The following PTBP2 variants were observed in gnomAD, a reference collection of about 807,000 sequenced individuals.
The protein encoded by PTBP2 is polypyrimidine tract binding protein 2.
A neutral mutation model predicts 61.4 loss-of-function variants in PTBP2; 13 were observed. That is an observed-to-expected ratio of 0.21 (90% CI 0.14 to 0.34). The LOEUF (loss-of-function observed/expected upper bound fraction) is 0.34, where lower values mean the gene tolerates loss of function less well. PTBP2 is among the 10% of genes least tolerant of loss of function. The pLI, the probability that PTBP2 is intolerant of heterozygous loss-of-function variation, is 1.00. For synonymous variants in PTBP2, 215 were observed against 218.5 expected (o/e 0.98, Z 0.14); for missense variants, 405 against 642.6 (o/e 0.63, Z 4.00).
intron 8 of PTBP2, among the ~76,000 whole-genome samples, chr1:96,792,594 C>T (rs1659965259): frequency 6.6e-6 from 1 of 150,620 alleles, no homozygotes; most frequent in African/African-American, 2.4e-5. Context: ...TTTTAGCTTG[C>T]TTTTTTTTTA....
At chr1:96,725,925 A>G (rs1158930780) in intron 2 of PTBP2, among the ~76,000 whole-genome samples, 1 of 151,432 alleles carries the variant, frequency 6.6e-6, no homozygotes, top group Non-Finnish European at 1.5e-5. Flanking sequence ...AATACAAAAA[A>G]TTAGCCGGGT....
intron 2 of PTBP2, among the ~76,000 whole-genome samples, chr1:96,749,240 C>T (rs995102088): frequency 6.6e-6 from 1 of 152,122 alleles, no homozygotes; most frequent in African/African-American, 2.4e-5. Flanking sequence ...CCCCACCTAT[C>T]GTCTTCCAAA....
rs569536906 is a variant in PTBP2, at chr1:96,794,326, A to G, written c.904+9072A>G. 3.9e-5 allele frequency among the ~76,000 whole-genome samples: 6 copies of G among 152,346 alleles called. No homozygotes were observed. In the South Asian group the frequency reaches 1.0e-3, roughly 26 times the overall value. ...TCAGATTGCAGATTTTATTGAAGAA[A>G]TTGTGTTTTTAAGAGTTGACAAATA... On this transcript the variant is annotated intron_variant, in intron 8 of 13. Transcript: ENST00000674951.
rs759794302 is a variant in PTBP2 at position 96,813,261 on chromosome 1, A to C, written c.1467-15A>C. 23 of 1,583,062 alleles carry C rather than the reference A, an allele frequency of 1.5e-5. No individual in the cohort carries two copies. In the Admixed American group the frequency reaches 3.5e-4, roughly 24 times the overall value. ...TTTGTATGAAGTGTCTAATTTTATA[A>C]TTTTGTTTCAGAAGAGATCACAAAA... is the stretch of plus-strand genomic sequence containing the variant. On this transcript the variant is annotated splice_polypyrimidine_tract_variant and intron_variant, in intron 13 of 13. Coordinates refer to ENST00000674951, the MANE Select transcript of PTBP2 (RefSeq NM_021190.4).
At chr1:96,821,369 ATAAAGT>A (rs1662678329) in exon 14 of PTBP2, 6 of 151,942 alleles carry the variant, frequency 3.9e-5, no homozygotes, top group Non-Finnish European at 8.8e-5. Context: ...ATATCTATTT[ATAAAGT>A]TAACTGCAGG....
downstream of PTBP2, chr1:96,818,204 A>G (rs1021602665): frequency 5.3e-5 from 8 of 151,906 alleles, no homozygotes; most frequent in Admixed American, 2.0e-4. Context: ...TGGCATCTCT[A>G]TTTTCATTCA....
chr1:96,771,867 A>G (rs767651915), intron 5 of PTBP2, among the ~76,000 whole-genome samples: 7 of 152,158 alleles, frequency 4.6e-5, no homozygotes, highest in Non-Finnish European at 8.8e-5. Flanking sequence ...CTTTATGGTA[A>G]GAACATTTAA....
chr1:96,806,052 G>A (rs886318028), intron 9 of PTBP2, among the ~76,000 whole-genome samples: 3 of 151,806 alleles, frequency 2.0e-5, no homozygotes, highest in African/African-American at 7.3e-5. Flanking sequence ...TTTTGTTTTT[G>A]TTCCCCAATT....
chr1:96,805,542 A>C (rs2101200564), intron 9 of PTBP2, among the ~76,000 whole-genome samples: 1 of 152,022 alleles, frequency 6.6e-6, no homozygotes, highest in South Asian at 2.1e-4. Flanking sequence ...CAGTTAAATA[A>C]AATTTATTGC....
At chr1:96,777,989 G>T in intron 7 of PTBP2, 43 bp downstream of exon 7, 1 of 1,116,512 alleles carries the variant, frequency 9.0e-7, no homozygotes, top group Non-Finnish European at 1.3e-6. Context: ...TTATTGAAAT[G>T]TATATGTAGA....
chr1:96,763,424 G>A (rs1006953042), intron 3 of PTBP2, among the ~76,000 whole-genome samples: 4 of 151,954 alleles, frequency 2.6e-5, no homozygotes, highest in African/African-American at 7.2e-5. Flanking sequence ...AAAAAAATAC[G>A]AAAACCAGTC....
intron 10 of PTBP2, 121 bp downstream of exon 10, chr1:96,806,573 G>A: frequency 1.7e-6 from 2 of 1,183,038 alleles, no homozygotes; most frequent in Non-Finnish European, 2.4e-6. Flanking sequence ...ATTTTTCTTT[G>A]CTATTTAAAA....
At chr1:96,753,596 A>G (rs1654828997) in intron 3 of PTBP2, among the ~76,000 whole-genome samples, 1 of 152,106 alleles carries the variant, frequency 6.6e-6, no homozygotes, top group Non-Finnish European at 1.5e-5. Context: ...CCCATGAAAT[A>G]TAAAGAACAC....
intron 5 of PTBP2, among the ~76,000 whole-genome samples, chr1:96,774,329 T>C (rs1657773249): frequency 6.6e-6 from 1 of 152,190 alleles, no homozygotes; most frequent in Non-Finnish European, 1.5e-5. Flanking sequence ...CTGTGGCTGC[T>C]ACCAGTATAA....
At chr1:96,817,823 T>C (rs1451919418), downstream of PTBP2, 5 of 152,258 alleles carry the variant, frequency 3.3e-5, no homozygotes, top group South Asian at 8.3e-4. Flanking sequence ...ATTTCTTGTT[T>C]TGCCTAGTTA....
chr1:96,779,751 G>T (rs890113253), intron 7 of PTBP2, among the ~76,000 whole-genome samples: 1 of 152,004 alleles, frequency 6.6e-6, no homozygotes, highest in African/African-American at 2.4e-5. Flanking sequence ...TCCTAAACTT[G>T]CTTTGCCCCA....
In PTBP2 at chr1:96,780,844, G is replaced by A. The variant is rs188140879; in HGVS notation, c.708+2898G>A. 2.9e-3 allele frequency among the ~76,000 whole-genome samples: 440 copies of A among 152,080 alleles called. 2 individuals are homozygous for A. The highest frequency in any genetic ancestry group is 0.01 in the African/African-American group (430 of 41,508). Reference sequence around the variant, plus strand: ...AATCTAGCTCCTGTTTTTGGTGTCCGCTGTGTTAGGAAAGTGCAAGATACC... The same window carrying A: ...AATCTAGCTCCTGTTTTTGGTGTCCACTGTGTTAGGAAAGTGCAAGATACC... On this transcript the variant is annotated intron_variant, in intron 7 of 13. Transcript: ENST00000674951.
intron 8 of PTBP2, among the ~76,000 whole-genome samples, chr1:96,795,612 G>A (rs1296938951): frequency 1.3e-5 from 2 of 152,178 alleles, no homozygotes; most frequent in East Asian, 1.9e-4. Flanking sequence ...GGATCAAATA[G>A]GATTAAAATT....
intron 2 of PTBP2, among the ~76,000 whole-genome samples, chr1:96,747,466 G>C (rs974671076): frequency 1.3e-5 from 2 of 151,602 alleles, no homozygotes; most frequent in South Asian, 2.1e-4. Flanking sequence ...AAAAAATTTT[G>C]CTTTTTATAT....
Sources: allele counts gnomAD v4.1 joint callset (sites outside exome capture counted in the v4.1 genomes callset), GRCh38; gene constraint gnomAD v4.1.1; transcripts MANE v1.5; gene names NCBI Gene and HGNC (gene_info 2026-07-23, HGNC 2026-07-21).